The following HPSE2 variants were observed in gnomAD, a reference collection of about 807,000 sequenced individuals.
The protein encoded by HPSE2 is inactive heparanase-2.
In HPSE2, 38 loss-of-function variants were observed where a neutral mutation model predicts 60.5. The ratio of observed to expected loss-of-function variants is 0.63; its 90% CI spans 0.48 to 0.82. HPSE2 has a LOEUF of 0.82. HPSE2 is among the 40% of genes least tolerant of loss of function. HPSE2 has a pLI of 0.00. For missense variants in HPSE2, 713 were observed against 740.4 expected, an observed-to-expected ratio of 0.96 and a Z score of 0.43; for synonymous variants, 295 against 293.2, an observed-to-expected ratio of 1.01 and a Z score of -0.06.
chr10:98,988,093 C>T (rs1956417024), intron 3 of HPSE2, among the ~76,000 whole-genome samples: 2 of 152,194 alleles, frequency 1.3e-5, no homozygotes, highest in South Asian at 2.1e-4. Flanking sequence ...AGATTCAATG[C>T]CATCCCCATC....
At chr10:99,119,728 G>A (rs1253995068) in intron 3 of HPSE2, among the ~76,000 whole-genome samples, 1 of 152,108 alleles carries the variant, frequency 6.6e-6, no homozygotes, top group Non-Finnish European at 1.5e-5. Flanking sequence ...AAACATCATG[G>A]CACTGGTACA....
intron 9 of HPSE2, among the ~76,000 whole-genome samples, chr10:98,602,917 C>T (rs1945468947): frequency 6.6e-6 from 1 of 151,864 alleles, no homozygotes; most frequent in Non-Finnish European, 1.5e-5. Context: ...GTACAAATGA[C>T]CAAAAAATAG....
chr10:98,772,355 A>G (rs76567579), intron 3 of HPSE2, among the ~76,000 whole-genome samples: 5,767 of 152,250 alleles, frequency 0.038, 239 homozygotes, highest in East Asian at 0.17. Context: ...GGTTGCCCCA[A>G]TCAAGAGTCC....
the HPSE2 span, among the ~76,000 whole-genome samples, chr10:99,266,381 C>T: frequency 1.3e-5 from 2 of 152,110 alleles, no homozygotes; most frequent in African/African-American, 4.8e-5. Context: ...GGCTTTCTCA[C>T]ACTTCTCTGG....
intron 9 of HPSE2, among the ~76,000 whole-genome samples, chr10:98,517,489 C>T (rs1942641715): frequency 2.0e-5 from 3 of 152,152 alleles, no homozygotes; most frequent in Admixed American, 2.0e-4. Context: ...ACACATGATG[C>T]TTGTTTATTT....
intron 2 of HPSE2, among the ~76,000 whole-genome samples, chr10:99,153,071 T>C (rs1564848711): frequency 6.6e-6 from 1 of 152,182 alleles, no homozygotes; most frequent in Non-Finnish European, 1.5e-5. Flanking sequence ...CACCACGAGA[T>C]TATATCCCGC....
the HPSE2 span, among the ~76,000 whole-genome samples, chr10:99,257,828 G>A: frequency 5.3e-5 from 8 of 152,138 alleles, no homozygotes; most frequent in South Asian, 2.1e-4. Flanking sequence ...GGAACCTGCC[G>A]ACATGTGATG....
chr10:99,102,857 T>A (rs994592188), intron 3 of HPSE2, among the ~76,000 whole-genome samples: 4 of 152,102 alleles, frequency 2.6e-5, no homozygotes, highest in African/African-American at 9.7e-5. Context: ...TAATCCATCA[T>A]ATAAACAGAA....
intron 9 of HPSE2, among the ~76,000 whole-genome samples, chr10:98,570,215 C>T (rs994527792): frequency 1.3e-5 from 2 of 152,190 alleles, no homozygotes; most frequent in Non-Finnish European, 2.9e-5. Context: ...GGCAGTCTTC[C>T]CCTAAGGAGC....
At chr10:98,840,487 G>T (rs1951883855) in intron 3 of HPSE2, among the ~76,000 whole-genome samples, 2 of 152,194 alleles carry the variant, frequency 1.3e-5, no homozygotes, top group East Asian at 3.9e-4. Flanking sequence ...CAATATTGCA[G>T]AAGAGAGATA....
chr10:99,269,229 C>T, the HPSE2 span, among the ~76,000 whole-genome samples: 1 of 151,724 alleles, frequency 6.6e-6, no homozygotes, highest in Non-Finnish European at 1.5e-5. Flanking sequence ...CACATAGACC[C>T]ATATAAAATT....
chr10:99,164,776 G>A (rs1847000420), intron 2 of HPSE2, among the ~76,000 whole-genome samples: 1 of 152,152 alleles, frequency 6.6e-6, no homozygotes, highest in Admixed American at 6.6e-5. Flanking sequence ...TGTATTCCCA[G>A]CACTTTGGGA....
At chr10:98,490,333 C>T (rs2133678937) in intron 9 of HPSE2, 137 bp from the exon 10 acceptor site, 1 of 1,082,734 alleles carries the variant, frequency 9.2e-7, no homozygotes. Flanking sequence ...TGAGTCATGA[C>T]CAATGCAGCC....
At chr10:98,511,991 C>T (rs1248248668) in intron 9 of HPSE2, among the ~76,000 whole-genome samples, 1 of 152,208 alleles carries the variant, frequency 6.6e-6, no homozygotes, top group African/African-American at 2.4e-5. Flanking sequence ...GGCACAAATG[C>T]TAAACCAGTA....
At chr10:98,712,959 C>A (rs1371754110) in intron 5 of HPSE2, among the ~76,000 whole-genome samples, 1 of 151,984 alleles carries the variant, frequency 6.6e-6, no homozygotes, top group East Asian at 1.9e-4. Context: ...CTATAAAGGA[C>A]AAGCAAACAA....
chr10:98,624,364 T>C (rs914429284), intron 7 of HPSE2, among the ~76,000 whole-genome samples: 2 of 152,138 alleles, frequency 1.3e-5, no homozygotes, highest in African/African-American at 4.8e-5. Flanking sequence ...TTAATGGATC[T>C]AGAAGAACCG....
intron 2 of HPSE2, among the ~76,000 whole-genome samples, chr10:99,215,730 T>C (rs1221387943): frequency 6.6e-6 from 1 of 152,238 alleles, no homozygotes; most frequent in Non-Finnish European, 1.5e-5. Flanking sequence ...AGATTAGTGG[T>C]TGCCTAAGGC....
chr10:98,648,095 G>A (rs1324534247), intron 6 of HPSE2, among the ~76,000 whole-genome samples: 4 of 152,270 alleles, frequency 2.6e-5, no homozygotes, highest in Admixed American at 6.5e-5. Flanking sequence ...TGAGCCAACC[G>A]AGGCTCAAGT....
chr10:99,006,014 C>T (rs1257536786), intron 3 of HPSE2, among the ~76,000 whole-genome samples: 1 of 152,122 alleles, frequency 6.6e-6, no homozygotes, highest in East Asian at 1.9e-4. Flanking sequence ...TGATTGGTTC[C>T]TCAGGAGGAG....
Sources: allele counts gnomAD v4.1 joint callset (sites outside exome capture counted in the v4.1 genomes callset), GRCh38; gene constraint gnomAD v4.1.1; transcripts MANE v1.5; gene names NCBI Gene and HGNC (gene_info 2026-07-23, HGNC 2026-07-21).